The following FARP1 variants were observed in gnomAD, a reference collection of about 807,000 sequenced individuals.
The protein encoded by FARP1 is FERM, ARHGEF and pleckstrin domain-containing protein 1.
FARP1 carries 52 observed loss-of-function variants against 128.8 expected under a neutral mutation model. The ratio of observed to expected loss-of-function variants is 0.40; its 90% CI spans 0.32 to 0.51. FARP1 has a LOEUF of 0.51. Among genes scored for constraint, FARP1 ranks in the 20% least tolerant of loss-of-function variants. The pLI, the probability that FARP1 is intolerant of heterozygous loss-of-function variation, is 0.45. For missense variants in FARP1, 1,333 were observed against 1,367.9 expected, an observed-to-expected ratio of 0.97 and a Z score of 0.40; for synonymous variants, 580 against 551.8, an observed-to-expected ratio of 1.05 and a Z score of -0.72.
chr13:98,419,664 C>A (rs1891518659), intron 16 of FARP1, among the ~76,000 whole-genome samples: 1 of 152,080 alleles, frequency 6.6e-6, no homozygotes, highest in Non-Finnish European at 1.5e-5. Flanking sequence ...TAATTTCATA[C>A]TTTTTTCCAT....
chr13:98,144,314 G>C (rs1172251604), intron 1 of FARP1, among the ~76,000 whole-genome samples: 1 of 152,094 alleles, frequency 6.6e-6, no homozygotes, highest in Non-Finnish European at 1.5e-5. Context: ...GTTGGGGATC[G>C]AGTAGGGTTC....
At chr13:98,215,720 G>GT (rs1480655369) in intron 2 of FARP1, among the ~76,000 whole-genome samples, 2 of 152,050 alleles carry the variant, frequency 1.3e-5, no homozygotes, top group Middle Eastern at 6.3e-3. Flanking sequence ...TAGAGTGAGT[G>GT]TGAGTTTATT....
chr13:98,288,619 T>A (rs1256404436), intron 2 of FARP1, among the ~76,000 whole-genome samples: 4 of 152,212 alleles, frequency 2.6e-5, no homozygotes, highest in Non-Finnish European at 5.9e-5. Context: ...AGAAATGCGG[T>A]TTTCTGTCAT....
At chr13:98,407,172 C>T (rs1288869841) in intron 13 of FARP1, 1 of 152,682 alleles carries the variant, frequency 6.5e-6, no homozygotes, top group East Asian at 1.9e-4. Flanking sequence ...ATCTCACGCA[C>T]AGTGCGAGAG....
rs1015020012 is a variant in FARP1, at chr13:98,394,991, G to C, written c.1165-236G>C. ...CGGCGGGTCCTGGAAAGCAGAGACCGGGCCGGGCTTGTGCTGCCGGGAACA... is the reference window on the plus strand; with the variant it reads ...CGGCGGGTCCTGGAAAGCAGAGACCCGGCCGGGCTTGTGCTGCCGGGAACA... On this transcript the variant is annotated intron_variant, in intron 12 of 26. Coordinates refer to ENST00000319562, the MANE Select transcript of FARP1 (RefSeq NM_005766.4). 4.6e-5 allele frequency among the ~76,000 whole-genome samples: 7 copies of C among 152,260 alleles called. No homozygotes were observed. In the South Asian group the frequency reaches 1.0e-3, roughly 23 times the overall value.
intron 2 of FARP1, among the ~76,000 whole-genome samples, chr13:98,335,241 A>C (rs1566891597): frequency 6.6e-6 from 1 of 152,216 alleles, no homozygotes. Flanking sequence ...TGTTAAAGAC[A>C]TACTTGAGAC....
chr13:98,389,420 A>G (rs898676250), intron 9 of FARP1: 1 of 153,070 alleles, frequency 6.5e-6, no homozygotes. Flanking sequence ...ATCAAAGGGC[A>G]TGATTTTTTT....
chr13:98,395,443 C>G lies in FARP1; in HGVS notation c.1381C>G (p.Gln461Glu). The G allele has an allele frequency of 6.3e-7, 1 of 1,596,276 alleles. No individual in the cohort carries two copies. The highest frequency in any genetic ancestry group is 8.6e-7 in the Non-Finnish European group (1 of 1,166,710). ...GGAGGTCGTTAAGGATAGGACCCAG[C>G]AGAGTAAACCTCAGCCCCCGCAGCC... is the stretch of plus-strand genomic sequence containing the variant. ...EEEVVKDRTQ[Q>E]SKPQPPQPST... The change falls in exon 13 of 27, where the codon CAG (glutamine) becomes GAG (glutamate). Residue 461 changes from glutamine to glutamate, a missense_variant. Around this residue, in one of 2 missense-constraint regions of FARP1, gnomAD observed 1,009 missense variants for 969.8 expected, o/e 1.04. Coordinates refer to ENST00000319562, the MANE Select transcript of FARP1 (RefSeq NM_005766.4).
chr13:98,260,100 C>A (rs1044840469), intron 2 of FARP1, among the ~76,000 whole-genome samples: 2 of 152,022 alleles, frequency 1.3e-5, no homozygotes, highest in African/African-American at 4.8e-5. Context: ...AAGGAAAATT[C>A]TAGAATAAGT....
At chr13:98,368,979 G>A (rs1248861191) in intron 5 of FARP1, among the ~76,000 whole-genome samples, 1 of 148,804 alleles carries the variant, frequency 6.7e-6, no homozygotes, top group Non-Finnish European at 1.5e-5. Flanking sequence ...AGGTTGGAGT[G>A]CAGTGACGCA....
intron 13 of FARP1, chr13:98,399,512 G>C (rs1890679763): frequency 6.6e-6 from 1 of 152,278 alleles, no homozygotes; most frequent in African/African-American, 2.4e-5. Flanking sequence ...AGTGGAGGAA[G>C]GCCAGAGGTA....
chr13:98,364,017 G>A (rs1888981655), intron 3 of FARP1, among the ~76,000 whole-genome samples: 1 of 152,304 alleles, frequency 6.6e-6, no homozygotes, highest in African/African-American at 2.4e-5. Flanking sequence ...TGGGATTAGA[G>A]GTGTCAGCCA....
intron 15 of FARP1, among the ~76,000 whole-genome samples, chr13:98,411,328 C>T (rs1891186667): frequency 6.6e-6 from 1 of 152,206 alleles, no homozygotes; most frequent in African/African-American, 2.4e-5. Context: ...TCTGGGAAAG[C>T]ACAAGCCAAT....
At position 98,431,299 on chromosome 13, in the gene FARP1, C is replaced by T. The variant is rs748307251; in HGVS notation, c.2143+19C>T. 34 of 1,531,674 alleles carry T rather than the reference C, an allele frequency of 2.2e-5. No individual in the cohort carries two copies. The highest frequency in any genetic ancestry group is 2.2e-4 in the Middle Eastern group (1 of 4,596). The allele number at this position is 1,531,674 out of a possible 1,614,324, so 94.9% of individuals were successfully genotyped here. A position where few individuals can be genotyped will look rare whatever the true frequency, so the allele number is the denominator to read the frequency against. ...TGCCGAGGTGAGTGCTGGGAGCCTG[C>T]GCCACCTGGTGCCCATGCCACAGTT... On this transcript the variant is annotated intron_variant, in intron 18 of 26. Coordinates refer to ENST00000319562, the MANE Select transcript of FARP1 (RefSeq NM_005766.4).
Position 98,148,661 on chromosome 13 carries a change from G to C in FARP1, c.-24+5169G>C, listed in dbSNP as rs542615404. On this transcript the variant is annotated intron_variant, in intron 1 of 26. Coordinates refer to ENST00000319562, the MANE Select transcript of FARP1 (RefSeq NM_005766.4). ...CTAGAAATTCTGTTAGCATCTGTTG[G>C]TGGTAACTTCAGTTTCTGCATGTCT... Among the ~76,000 whole-genome samples, 10 of 152,238 alleles carry C rather than the reference G, an allele frequency of 6.6e-5. No individual in the cohort carries two copies. The South Asian group carries it at 1.9e-3, about 28-fold the overall frequency.
intron 2 of FARP1, among the ~76,000 whole-genome samples, chr13:98,221,524 C>T (rs922962845): frequency 5.3e-5 from 8 of 152,176 alleles, no homozygotes; most frequent in Non-Finnish European, 8.8e-5. Flanking sequence ...GGACAATTGC[C>T]GTGAAACCTC....
chr13:98,375,192 G>A (rs979643732), intron 5 of FARP1, among the ~76,000 whole-genome samples: 8 of 152,178 alleles, frequency 5.3e-5, no homozygotes, highest in African/African-American at 1.7e-4. Context: ...TTGGATTCAG[G>A]TGGTGACATT....
At chr13:98,188,805 C>T (rs372264985) in intron 1 of FARP1, among the ~76,000 whole-genome samples, 9 of 152,128 alleles carry the variant, frequency 5.9e-5, no homozygotes, top group Non-Finnish European at 1.2e-4. Flanking sequence ...CAGAAGTGTT[C>T]GGGGGGTGAA....
At chr13:98,378,785 A>G (rs756955111) in intron 6 of FARP1, among the ~76,000 whole-genome samples, 4 of 150,278 alleles carry the variant, frequency 2.7e-5, no homozygotes, top group Non-Finnish European at 4.4e-5. Flanking sequence ...TTTTTTGAAT[A>G]TGAGCACTTA....
Sources: gnomAD v4.1 joint callset for allele counts (sites outside exome capture counted in the v4.1 genomes callset) on GRCh38, gnomAD v4.1.1 for gene constraint, gnomAD v4.1.1 regional missense constraint, MANE v1.5 for transcripts, NCBI Gene and HGNC (gene_info 2026-07-23, HGNC 2026-07-21) for gene names.